The following R3HDM2 variants were observed in gnomAD, a reference collection of about 807,000 sequenced individuals.
R3HDM2 encodes the protein R3H domain-containing protein 2.
In R3HDM2, 38 loss-of-function variants were observed where a neutral mutation model predicts 124.5. The observed-to-expected ratio is 0.31, with a 90% CI of 0.24 to 0.40. The LOEUF is 0.40. Ranked by LOEUF, R3HDM2 falls within the 10% of genes least tolerant of loss-of-function variation. R3HDM2 has a pLI of 1.00. For missense variants in R3HDM2, 869 were observed against 1,236.9 expected, an observed-to-expected ratio of 0.70 and a Z score of 4.46; for synonymous variants, 391 against 448.0, an observed-to-expected ratio of 0.87 and a Z score of 1.61.
Position 57,254,997 on chromosome 12 carries a change from C to A in R3HDM2, c.2749G>T (p.Ala917Ser). The change falls in exon 24 of 24, where the codon GCT becomes TCT. Residue 917 changes from alanine (A) to serine (S), a missense_variant. Transcript: ENST00000402412. ...CCACCCCCTCCAGGCAGCCCCTGAG[C>A]ATCCTTGAGCCACTGGATCTTGGCG... ...SGAKIQWLKD[A>S]QGLPGGGGGD... 1 of 1,613,968 alleles carries A rather than the reference C, an allele frequency of 6.2e-7. No homozygotes were observed. The highest frequency in any genetic ancestry group is 8.5e-7 in the Non-Finnish European group (1 of 1,179,978).
chr12:57,258,000 A>G lies in R3HDM2; in HGVS notation c.2439T>C (p.Gly813=). Residue 813 remains glycine, a synonymous_variant, in exon 21 of 24, where the codon GGT becomes GGC. Transcript: ENST00000402412. ...AATCTAACCCCCTACCCTGTGCTGG[A>G]CCCCCAGGCCGGGGGAACTGTGTGA... ...PVLTQFPRPG[G]PAQGDGRYSL... The G allele has an allele frequency of 6.4e-7, 1 of 1,560,808 alleles. No homozygotes were observed. Among genetic ancestry groups the G allele is most frequent in the Non-Finnish European group, 8.7e-7 (1 of 1,145,590 alleles).
chr12:57,290,187 ATTG>A (rs1413895000), intron 11 of R3HDM2, among the ~76,000 whole-genome samples: 6 of 152,218 alleles, frequency 3.9e-5, no homozygotes, highest in African/African-American at 1.4e-4. Flanking sequence ...CCTATTATAA[ATTG>A]TCTGTGCTTT....
intron 2 of R3HDM2, among the ~76,000 whole-genome samples, chr12:57,332,410 CAAAAAA>C (rs10653446): frequency 3.3e-5 from 2 of 60,706 alleles, no homozygotes; most frequent in African/African-American, 7.7e-5. Context: ...GACCCTGTCT[CAAAAAA>C]AAAAAAAAAA....
rs199693612 is a variant in R3HDM2 at position 57,255,034 on chromosome 12, G to A, written c.2712C>T (p.Leu904=). 3.5e-5 allele frequency: 57 copies of A among 1,613,574 alleles called. 1 individual carries two copies. In the South Asian group the frequency reaches 4.7e-4, roughly 13 times the overall value. ...ACTGGATCTTGGCGCCAGACATGGC[G>A]AGCTGCGTGAAGAGTTTGTCCGCCT... is the stretch of plus-strand genomic sequence containing the variant. The part of the protein sequence containing the change: ...RTEADKLFTQ[L]AMSGAKIQWL... The change falls in exon 24 of 24, where the codon CTC becomes CTT. Residue 904 remains leucine, a synonymous_variant. Coordinates refer to ENST00000402412, the MANE Select transcript of R3HDM2 (RefSeq NM_001394031.1).
intron 14 of R3HDM2, among the ~76,000 whole-genome samples, chr12:57,275,293 T>C (rs1001445232): frequency 1.3e-5 from 2 of 152,106 alleles, no homozygotes; most frequent in Non-Finnish European, 2.9e-5. Context: ...TGGATCTTCA[T>C]CTCTCACCTT....
At chr12:57,292,491 G>T in intron 11 of R3HDM2, 81 bp downstream of exon 11, 1 of 961,608 alleles carries the variant, frequency 1.0e-6, no homozygotes, top group Non-Finnish European at 1.6e-6. Flanking sequence ...AAAAACATTT[G>T]TGGAGGGTTC....
At chr12:57,320,638 G>C (rs1034689019) in intron 2 of R3HDM2, among the ~76,000 whole-genome samples, 2 of 152,116 alleles carry the variant, frequency 1.3e-5, no homozygotes, top group Non-Finnish European at 2.9e-5. Flanking sequence ...TGAAGAAATA[G>C]GATAATACAG....
chr12:57,310,703 C>G (rs2053718308), intron 2 of R3HDM2, among the ~76,000 whole-genome samples: 1 of 152,050 alleles, frequency 6.6e-6, no homozygotes, highest in Non-Finnish European at 1.5e-5. Context: ...CACATGCATT[C>G]ACCTGTGAAA....
At chr12:57,429,696 G>A (rs1323560526) in intron 1 of R3HDM2, among the ~76,000 whole-genome samples, 2 of 135,746 alleles carry the variant, frequency 1.5e-5, no homozygotes, top group East Asian at 2.5e-4. Context: ...CTGGGTGACA[G>A]ACTGAGACCC....
intron 2 of R3HDM2, among the ~76,000 whole-genome samples, chr12:57,353,941 C>T (rs897610031): frequency 6.6e-6 from 1 of 151,872 alleles, no homozygotes; most frequent in Non-Finnish European, 1.5e-5. Flanking sequence ...CTGTAACCTC[C>T]ACCTCTGGGT....
At chr12:57,259,707 T>C (rs2040168742) in intron 19 of R3HDM2, among the ~76,000 whole-genome samples, 1 of 152,216 alleles carries the variant, frequency 6.6e-6, no homozygotes, top group African/African-American at 2.4e-5. Flanking sequence ...CAAACTCTTA[T>C]TGAACATTTG....
At chr12:57,274,713 A>C (rs933212109) in intron 14 of R3HDM2, among the ~76,000 whole-genome samples, 28 of 152,082 alleles carry the variant, frequency 1.8e-4, no homozygotes, top group Non-Finnish European at 7.4e-5. Flanking sequence ...GCTCTGAAAA[A>C]CCATGAGGAA....
At chr12:57,386,485 G>C (rs1033156156) in intron 2 of R3HDM2, among the ~76,000 whole-genome samples, 1 of 152,238 alleles carries the variant, frequency 6.6e-6, no homozygotes, top group African/African-American at 2.4e-5. Context: ...ACTTCTTGCC[G>C]GGCCTTAGCT....
Position 57,430,608 on chromosome 12 carries a change from G to A in R3HDM2, c.-106+112C>T, listed in dbSNP as rs997385074. 4.0e-5 allele frequency: 39 copies of A among 984,634 alleles called. No homozygotes were observed. The African/African-American group carries it at 6.5e-4, about 16-fold the overall frequency. The allele number at this position is 984,634 out of a possible 1,614,324, so 61.0% of individuals were successfully genotyped here. On this transcript the variant is annotated intron_variant, in intron 1 of 23. Coordinates refer to ENST00000402412, the MANE Select transcript of R3HDM2 (RefSeq NM_001394031.1). The stretch of plus-strand genomic sequence containing the variant: ...CATCGTCCCCGGGACCGGCTGCCGG[G>A]CGCGAGGAACCCAGGCCGCGGGGCC...
At chr12:57,333,648 C>T (rs1354109994) in intron 2 of R3HDM2, among the ~76,000 whole-genome samples, 2 of 151,888 alleles carry the variant, frequency 1.3e-5, no homozygotes, top group African/African-American at 4.8e-5. Context: ...GCTGAGATTG[C>T]GCCACTGCAG....
At chr12:57,405,479 A>T (rs1340866227) in intron 1 of R3HDM2, among the ~76,000 whole-genome samples, 10 of 152,084 alleles carry the variant, frequency 6.6e-5, no homozygotes, top group Admixed American at 6.6e-4. Context: ...ACTAAAAATA[A>T]CAAAAATTAG....
intron 2 of R3HDM2, among the ~76,000 whole-genome samples, chr12:57,366,199 G>A (rs1409338856): frequency 6.6e-6 from 1 of 152,038 alleles, no homozygotes; most frequent in Non-Finnish European, 1.5e-5. Context: ...CTGTTGCCCA[G>A]GCTGGAGTGC....
chr12:57,331,974 C>T (rs2058261358), intron 2 of R3HDM2, among the ~76,000 whole-genome samples: 1 of 151,374 alleles, frequency 6.6e-6, no homozygotes, highest in Admixed American at 6.6e-5. Flanking sequence ...CCTGTAGTCC[C>T]AGATACTTGA....
At chr12:57,392,835 C>T (rs1438595414) in intron 2 of R3HDM2, among the ~76,000 whole-genome samples, 5 of 144,944 alleles carry the variant, frequency 3.4e-5, no homozygotes, top group Admixed American at 1.4e-4. Flanking sequence ...GCTAGAGTCT[C>T]GCTCTGTCGC....
Sources: gnomAD v4.1 joint callset for allele counts (sites outside exome capture counted in the v4.1 genomes callset) on GRCh38, gnomAD v4.1.1 for gene constraint, MANE v1.5 for transcripts, NCBI Gene and HGNC (gene_info 2026-07-23, HGNC 2026-07-21) for gene names.